The following UPK3A variants were observed in gnomAD, a reference collection of about 807,000 sequenced individuals.
UPK3A encodes the protein uroplakin 3A, also known as uroplakin-3a.
UPK3A carries 32 observed loss-of-function variants against 27.6 expected under a neutral mutation model. That is an observed-to-expected ratio of 1.16 (90% CI 0.87 to 1.55). The LOEUF is 1.55. Ranked by LOEUF, UPK3A falls within the 40% of genes most tolerant of loss-of-function variation. UPK3A has a pLI of 0.00. For synonymous variants in UPK3A, 171 were observed against 163.9 expected, an observed-to-expected ratio of 1.04 and a Z score of -0.33; for missense variants, 370 against 367.9, an observed-to-expected ratio of 1.01 and a Z score of -0.05.
At chr22:45,286,414 C>CG (rs1199256273) in intron 2 of UPK3A, among the ~76,000 whole-genome samples, 1 of 152,078 alleles carries the variant, frequency 6.6e-6, no homozygotes, top group African/African-American at 2.4e-5. Flanking sequence ...GTGGAATAAC[C>CG]CCCCCTGGAC....
intron 2 of UPK3A, among the ~76,000 whole-genome samples, chr22:45,286,544 G>A (rs9306493): frequency 0.087 from 13,168 of 152,156 alleles, 762 homozygotes; most frequent in South Asian, 0.18. Context: ...ATTTGGACCT[G>A]CTGCTGTGGC....
In UPK3A at chr22:45,287,254, A is replaced by AC; in HGVS notation, c.291_292insC (p.Gly98ArgfsTer9). 1.2e-6 allele frequency: 2 copies of AC among 1,614,238 alleles called. No homozygotes were observed. The highest frequency in any genetic ancestry group is 1.7e-6 in the Non-Finnish European group (2 of 1,180,042). On this transcript the variant is annotated frameshift_variant, in exon 3 of 6. Transcript: ENST00000216211. LOFTEE classifies it high-confidence loss of function. ...TCCTACAAACAGAGGGTGGGAGGACAGGTCCCTACAAAGCTGTGGCCTTTG... is the reference window on the plus strand; with the variant it reads ...TCCTACAAACAGAGGGTGGGAGGACACGGTCCCTACAAAGCTGTGGCCTTTG...
At chr22:45,291,257 A>T (rs540718015) in intron 4 of UPK3A, among the ~76,000 whole-genome samples, 48 of 142,762 alleles carry the variant, frequency 3.4e-4, no homozygotes, top group Non-Finnish European at 4.8e-4. Flanking sequence ...TGAGTGTGAG[A>T]GTGTGTGTGG....
chr22:45,285,952 C>A lies in UPK3A; in HGVS notation c.64C>A (p.Gln22Lys). 1 of 1,614,036 alleles carries A rather than the reference C, an allele frequency of 6.2e-7. No homozygotes were observed. Among genetic ancestry groups the A allele is most frequent in the Non-Finnish European group, 8.5e-7 (1 of 1,180,000 alleles). ...ACTGCCTCCTCCAGCTGTGAACCTGCAGCCCCAACTGGCCAGTGTGACTTT... is the reference window on the plus strand; with the variant it reads ...ACTGCCTCCTCCAGCTGTGAACCTGAAGCCCCAACTGGCCAGTGTGACTTT... ...CLRFGSAVNL[Q>K]PQLASVTFAT... Residue 22 changes from glutamine to lysine, a missense_variant, in exon 2 of 6, where the codon CAG (glutamine) becomes AAG (lysine). Physicochemically the swap from Gln to Lys is moderately conservative, Grantham distance 53 (BLOSUM62 1). Transcript: ENST00000216211.
intron 4 of UPK3A, among the ~76,000 whole-genome samples, chr22:45,289,387 C>G (rs894112178): frequency 1.3e-5 from 2 of 151,734 alleles, no homozygotes; most frequent in South Asian, 4.2e-4. Context: ...CATCCTGGCT[C>G]ACACGGTGAA....
chr22:45,294,019 G>C (rs1185731213), intron 5 of UPK3A, among the ~76,000 whole-genome samples: 1 of 152,062 alleles, frequency 6.6e-6, no homozygotes. Context: ...TAGCCCCTGG[G>C]AAGACCAGGC....
At chr22:45,290,684 A>G (rs965075376) in intron 4 of UPK3A, among the ~76,000 whole-genome samples, 42 of 152,036 alleles carry the variant, frequency 2.8e-4, no homozygotes, top group African/African-American at 9.7e-4. Context: ...GTACCAGTCC[A>G]TGGCCTGTTA....
At chr22:45,286,416 C>A (rs541998846) in intron 2 of UPK3A, among the ~76,000 whole-genome samples, 11 of 152,264 alleles carry the variant, frequency 7.2e-5, no homozygotes, top group Middle Eastern at 6.8e-3. Context: ...GGAATAACCC[C>A]CCCTGGACCT....
chr22:45,286,173 A>G, intron 2 of UPK3A, 77 bp downstream of exon 2: 1 of 1,579,676 alleles, frequency 6.3e-7, no homozygotes, highest in Non-Finnish European at 8.6e-7. Context: ...GGAGGCAGAT[A>G]GAGGAACCCT....
chr22:45,293,310 T>G lies in UPK3A; in HGVS notation c.701T>G (p.Leu234Arg), dbSNP rs2084174736. The part of the protein sequence containing the change: ...VGFAGAIALS[L>R]VDMGSSDGET... ...TTTGCTGGCGCCATTGCCCTCAGCCTCGTGTAAGTACCTGCCTGCTGGGAG... is the reference window on the plus strand; with the variant it reads ...TTTGCTGGCGCCATTGCCCTCAGCCGCGTGTAAGTACCTGCCTGCTGGGAG... Residue 234 changes from leucine (L) to arginine (R), a missense_variant, in exon 5 of 6, where the codon CTC becomes CGC. Leu to Arg is a moderately radical substitution (Grantham distance 102, BLOSUM62 -2). Coordinates refer to ENST00000216211, the MANE Select transcript of UPK3A (RefSeq NM_006953.4). 2 of 1,613,712 alleles carry G rather than the reference T, an allele frequency of 1.2e-6. No homozygotes were observed. Among genetic ancestry groups the G allele is most frequent in the Admixed American group, 1.7e-5 (1 of 59,992 alleles).
chr22:45,290,429 TTGTG>T (rs780222412), intron 4 of UPK3A, among the ~76,000 whole-genome samples: 10 of 152,204 alleles, frequency 6.6e-5, no homozygotes, highest in Non-Finnish European at 1.3e-4. Flanking sequence ...GTAGAAAGCC[TTGTG>T]TGTGAGTATG....
At chr22:45,289,007 G>A in intron 3 of UPK3A, 54 bp from the exon 4 acceptor site, 2 of 1,587,718 alleles carry the variant, frequency 1.3e-6, no homozygotes, top group South Asian at 2.2e-5. Flanking sequence ...CCGCCTCCCT[G>A]TGGGTGGGGC....
At chr22:45,287,541 T>C in intron 3 of UPK3A, 90 bp downstream of exon 3, 1 of 1,490,764 alleles carries the variant, frequency 6.7e-7, no homozygotes, top group Non-Finnish European at 9.1e-7. Context: ...CAGCCACACT[T>C]CTTGAGAACT....
At position 45,293,237 on chromosome 22, in the gene UPK3A, G is replaced by T; in HGVS notation, c.628G>T (p.Val210Phe). 6.2e-7 allele frequency: 1 copy of T among 1,614,130 alleles called. No individual in the cohort carries two copies. Among genetic ancestry groups the T allele is most frequent in the Non-Finnish European group, 8.5e-7 (1 of 1,180,034 alleles). ...WPGRRSGGMI[V>F]ITSILGSLPF... ...AGGCCGGCGGAGCGGAGGCATGATC[G>T]TCATCACTTCCATCCTGGGCTCCCT... The change falls in exon 5 of 6, where the codon GTC becomes TTC. Residue 210 changes from valine to phenylalanine, a missense_variant. Physicochemically the swap from Val to Phe is conservative, Grantham distance 50. Coordinates refer to ENST00000216211, the MANE Select transcript of UPK3A (RefSeq NM_006953.4).
intron 3 of UPK3A, 45 bp from the exon 4 acceptor site, chr22:45,289,016 G>T (rs1414003395): frequency 1.3e-6 from 2 of 1,589,780 alleles, no homozygotes; most frequent in African/African-American, 1.3e-5. Flanking sequence ...TGTGGGTGGG[G>T]CTCACAGGAA....
intron 4 of UPK3A, 151 bp downstream of exon 4, chr22:45,289,294 A>C: frequency 2.7e-6 from 2 of 739,996 alleles, no homozygotes; most frequent in Non-Finnish European, 4.4e-6. Context: ...CTGTTGAGCC[A>C]GGCCAGGTGT....
chr22:45,293,124 G>A (rs950371584), intron 4 of UPK3A, 57 bp from the exon 5 acceptor site: 27 of 1,607,218 alleles, frequency 1.7e-5, no homozygotes, highest in Non-Finnish European at 2.2e-5. Flanking sequence ...CGCCTCCTGG[G>A]AGAAGGGTGA....
intron 1 of UPK3A, 90 bp from the exon 2 acceptor site, chr22:45,285,851 T>A: frequency 6.3e-7 from 1 of 1,584,410 alleles, no homozygotes; most frequent in Non-Finnish European, 8.6e-7. Flanking sequence ...GCCCAGGGCC[T>A]GGCACACAAC....
In UPK3A at chr22:45,295,688, C is replaced by G; in HGVS notation, c.833C>G (p.Ala278Gly). The G allele has an allele frequency of 6.2e-7, 1 of 1,613,986 alleles. No homozygotes were observed. The highest frequency in any genetic ancestry group is 8.5e-7 in the Non-Finnish European group (1 of 1,180,024). The change falls in exon 6 of 6, where the codon GCT (alanine) becomes GGT (glycine). Residue 278 changes from alanine to glycine, a missense_variant. By Grantham distance (60) the Ala-to-Gly change is moderately conservative. Coordinates refer to ENST00000216211, the MANE Select transcript of UPK3A (RefSeq NM_006953.4). ...SVNRGPPLDR[A>G]EVYSSKLQD Reference sequence around the variant, plus strand: ...AACCGGGGGCCGCCACTGGACAGGGCTGAGGTGTATTCCAGCAAGCTCCAA... The same window carrying G: ...AACCGGGGGCCGCCACTGGACAGGGGTGAGGTGTATTCCAGCAAGCTCCAA...
Sources: allele counts gnomAD v4.1 joint callset (sites outside exome capture counted in the v4.1 genomes callset), GRCh38; gene constraint gnomAD v4.1.1; transcripts MANE v1.5; gene names NCBI Gene and HGNC (gene_info 2026-07-23, HGNC 2026-07-21).